ATP9B: variants seen among roughly 807,000 people sequenced by gnomAD.
ATP9B encodes ATPase phospholipid transporting 9B.
ATP9B carries 110 observed loss-of-function variants against 146.1 expected under a neutral mutation model. The ratio of observed to expected loss-of-function variants is 0.75; its 90% CI spans 0.65 to 0.88. The LOEUF (loss-of-function observed/expected upper bound fraction) is 0.88. Ranked by LOEUF, ATP9B falls within the 40% of genes least tolerant of loss-of-function variation. The pLI is 0.00. For missense variants in ATP9B, 1,499 were observed against 1,496.4 expected (o/e 1.00, Z -0.03); for synonymous variants, 604 against 569.7 (o/e 1.06, Z -0.86).
chr18:79,292,472 ATTGTG>A (rs2146195203), intron 13 of ATP9B, among the ~76,000 whole-genome samples: 1 of 151,834 alleles, frequency 6.6e-6, no homozygotes, highest in South Asian at 2.1e-4. Flanking sequence ...AAAATATTTC[ATTGTG>A]TTAAGACGGC....
intron 14 of ATP9B, among the ~76,000 whole-genome samples, chr18:79,304,982 G>T (rs1161392839): frequency 1.3e-5 from 2 of 152,156 alleles, no homozygotes; most frequent in African/African-American, 4.8e-5. Context: ...CTCACCCTGG[G>T]GGGTGTGACA....
intron 17 of ATP9B, among the ~76,000 whole-genome samples, chr18:79,331,246 C>T (rs925931243): frequency 6.6e-6 from 1 of 152,136 alleles, no homozygotes; most frequent in South Asian, 2.1e-4. Context: ...CCCCAGTGTT[C>T]GCAACGGTAG....
At position 79,289,387 on chromosome 18, in the gene ATP9B, T is replaced by G. The variant is rs1320884424; in HGVS notation, c.1411+12191T>G. On this transcript the variant is annotated intron_variant, in intron 13 of 29. Transcript: ENST00000426216. ...ATTTCATCTTCCATCACTGATACCC[T>G]TTCTTCCAGTTGATCACATCGGCTC... Among the ~76,000 whole-genome samples, 3 of 152,212 alleles carry G rather than the reference T, an allele frequency of 2.0e-5. No individual in the cohort carries two copies. In the East Asian group the frequency reaches 5.8e-4, roughly 29 times the overall value.
At chr18:79,095,673 C>A (rs1568163615) in intron 1 of ATP9B, 1 of 152,180 alleles carries the variant, frequency 6.6e-6, no homozygotes, top group Non-Finnish European at 1.5e-5. Flanking sequence ...TACATTGAGA[C>A]AATGCCTCCA....
At chr18:79,172,077 C>T (rs1350050749) in intron 7 of ATP9B, among the ~76,000 whole-genome samples, 3 of 152,156 alleles carry the variant, frequency 2.0e-5, no homozygotes, top group African/African-American at 7.2e-5. Flanking sequence ...TTGGTAGAGA[C>T]GGGGTTTCAC....
rs910087830 is a variant in ATP9B at position 79,376,373 on chromosome 18, T to G, written c.3308-874T>G. The stretch of plus-strand genomic sequence containing the variant: ...ACCCATTCAGTGGTGTTTGGTGACA[T>G]TAGTCATCTGCAACCATTTTTTTTT... On this transcript the variant is annotated intron_variant, in intron 29 of 29. Coordinates refer to ENST00000426216, the MANE Select transcript of ATP9B (RefSeq NM_198531.5). 3 of 984,860 alleles carry G rather than the reference T, an allele frequency of 3.0e-6. No individual in the cohort carries two copies. In the African/African-American group the frequency reaches 5.3e-5, roughly 17 times the overall value. The allele number at this position is 984,860 out of a possible 1,614,324, so 61.0% of individuals were successfully genotyped here.
chr18:79,165,507 A>T (rs2094951422), intron 7 of ATP9B, among the ~76,000 whole-genome samples: 1 of 152,046 alleles, frequency 6.6e-6, no homozygotes, highest in African/African-American at 2.4e-5. Context: ...CTAGTTGAAA[A>T]CCTATGGAGG....
intron 11 of ATP9B, among the ~76,000 whole-genome samples, chr18:79,216,897 G>A (rs1042620749): frequency 2.0e-5 from 3 of 152,184 alleles, no homozygotes; most frequent in African/African-American, 4.8e-5. Context: ...TATTTTCCTG[G>A]TGATTAATAC....
intron 1 of ATP9B, chr18:79,086,373 T>A (rs1283193715): frequency 7.5e-6 from 1 of 132,642 alleles, no homozygotes; most frequent in Non-Finnish European, 1.5e-5. Context: ...GAGGCAGAGG[T>A]TGCAGTGAGC....
chr18:79,294,320 G>A (rs1023928539), intron 13 of ATP9B, among the ~76,000 whole-genome samples: 1 of 152,190 alleles, frequency 6.6e-6, no homozygotes, highest in Non-Finnish European at 1.5e-5. Flanking sequence ...CCTAGGAATC[G>A]ATTGTGGGTG....
At chr18:79,137,020 C>T (rs977465524) in intron 5 of ATP9B, among the ~76,000 whole-genome samples, 1 of 152,226 alleles carries the variant, frequency 6.6e-6, no homozygotes, top group African/African-American at 2.4e-5. Flanking sequence ...CCTCCCACAA[C>T]ATGTGGGGAG....
At chr18:79,099,246 G>C (rs973608578) in intron 2 of ATP9B, among the ~76,000 whole-genome samples, 2 of 150,778 alleles carry the variant, frequency 1.3e-5, no homozygotes, top group Admixed American at 6.6e-5. Flanking sequence ...TTCTTGAGAC[G>C]GAGTCTTGCT....
intron 12 of ATP9B, among the ~76,000 whole-genome samples, chr18:79,264,669 TTTG>T (rs2096182561): frequency 2.0e-5 from 2 of 97,662 alleles, no homozygotes; most frequent in African/African-American, 1.1e-4. Context: ...GTAAGTGTTT[TTTG>T]TTTTTTTTTT....
rs77429974 is a variant in ATP9B at position 79,131,630 on chromosome 18, A to C, written c.667+5255A>C. Reference sequence around the variant, plus strand: ...CACTGTCAGTTTCTCAAATAGTTAAAAAGAATTTAAAGCAGGGACCCAGTG... The same window carrying C: ...CACTGTCAGTTTCTCAAATAGTTAACAAGAATTTAAAGCAGGGACCCAGTG... On this transcript the variant is annotated intron_variant, in intron 5 of 29. Transcript: ENST00000426216. Among the ~76,000 whole-genome samples, 188 of 152,366 alleles carry C rather than the reference A, an allele frequency of 1.2e-3. 3 individuals are homozygous for C. The highest frequency in any genetic ancestry group is 4.3e-3 in the African/African-American group (180 of 41,590).
intron 2 of ATP9B, among the ~76,000 whole-genome samples, chr18:79,106,903 GC>G (rs1351169189): frequency 6.6e-6 from 1 of 152,134 alleles, no homozygotes. Flanking sequence ...CAGTGGTCTT[GC>G]GTTTATAGTG....
chr18:79,214,648 T>C (rs2148423763), intron 11 of ATP9B, among the ~76,000 whole-genome samples: 1 of 152,220 alleles, frequency 6.6e-6, no homozygotes, highest in East Asian at 1.9e-4. Flanking sequence ...GAATTCACAG[T>C]ATGTGCTAAT....
intron 11 of ATP9B, among the ~76,000 whole-genome samples, chr18:79,249,508 C>T (rs1280512763): frequency 6.6e-6 from 1 of 152,050 alleles, no homozygotes; most frequent in South Asian, 2.1e-4. Context: ...CTTAAATAGT[C>T]GTAATTACTT....
chr18:79,245,865 CTGT>C (rs2095949436), intron 11 of ATP9B, among the ~76,000 whole-genome samples: 1 of 137,060 alleles, frequency 7.3e-6, no homozygotes, highest in Non-Finnish European at 1.6e-5. Context: ...CACCGCCCTA[CTGT>C]CTGTGCGGAG....
intron 7 of ATP9B, among the ~76,000 whole-genome samples, chr18:79,160,832 C>T (rs1032194201): frequency 7.9e-5 from 12 of 152,204 alleles, no homozygotes; most frequent in Middle Eastern, 3.4e-3. Flanking sequence ...AGTGCAGTGG[C>T]GCGATCTCGG....
Sources: gnomAD v4.1 joint callset for allele counts (sites outside exome capture counted in the v4.1 genomes callset) on GRCh38, gnomAD v4.1.1 for gene constraint, MANE v1.5 for transcripts, NCBI Gene and HGNC (gene_info 2026-07-23, HGNC 2026-07-21) for gene names.